The following ELL2 variants were observed in gnomAD, a reference collection of about 807,000 sequenced individuals.
ELL2 encodes RNA polymerase II elongation factor ELL2.
In ELL2, 21 loss-of-function variants were observed where a neutral mutation model predicts 72.8. That is an observed-to-expected ratio of 0.29 (90% CI 0.20 to 0.42). The LOEUF is 0.42. ELL2 is among the 10% of genes least tolerant of loss of function. The probability of loss-of-function intolerance (pLI) is 1.00; values close to 1 mark genes in which losing one functional copy is unlikely to be tolerated. For synonymous variants in ELL2, 266 were observed against 283.2 expected (o/e 0.94, Z 0.61); for missense variants, 568 against 772.8 (o/e 0.73, Z 3.14).
intron 4 of ELL2, among the ~76,000 whole-genome samples, chr5:95,909,117 G>A (rs1306400102): frequency 1.3e-5 from 2 of 152,186 alleles, no homozygotes; most frequent in African/African-American, 4.8e-5. Context: ...AAGCAGGTAT[G>A]GAGAAGACAA....
intron 2 of ELL2, among the ~76,000 whole-genome samples, chr5:95,929,218 C>G (rs1750505007): frequency 6.6e-6 from 1 of 151,904 alleles, no homozygotes. Context: ...TTCTCTCCCA[C>G]CAGACTGTGA....
intron 3 of ELL2, among the ~76,000 whole-genome samples, chr5:95,916,317 G>A (rs1367095652): frequency 6.6e-6 from 1 of 152,158 alleles, no homozygotes; most frequent in East Asian, 1.9e-4. Flanking sequence ...TAAGTTCAGT[G>A]TTGGAGATGG....
chr5:95,927,370 T>TACAC (rs372656152), intron 2 of ELL2, among the ~76,000 whole-genome samples: 1 of 90,878 alleles, frequency 1.1e-5, no homozygotes, highest in Non-Finnish European at 2.0e-5. Context: ...TATATAGACA[T>TACAC]ACACACACAC....
At chr5:95,894,453 T>G (rs1225083378) in intron 9 of ELL2, among the ~76,000 whole-genome samples, 1 of 152,214 alleles carries the variant, frequency 6.6e-6, no homozygotes, top group Non-Finnish European at 1.5e-5. Context: ...TAAAGACTTC[T>G]AAGGAGAAGT....
intron 1 of ELL2, among the ~76,000 whole-genome samples, chr5:95,958,984 GTA>G (rs1751717102): frequency 6.6e-6 from 1 of 152,048 alleles, no homozygotes; most frequent in Admixed American, 6.5e-5. Flanking sequence ...GAAGCTACTG[GTA>G]TATAAATGCA....
chr5:95,946,130 G>T (rs2112352108), intron 1 of ELL2, among the ~76,000 whole-genome samples: 1 of 152,300 alleles, frequency 6.6e-6, no homozygotes, highest in South Asian at 2.1e-4. Context: ...TCAGTTATGT[G>T]TAAAATAGAT....
intron 1 of ELL2, among the ~76,000 whole-genome samples, chr5:95,949,506 GTTTTTGAGACACCT>G (rs1404492798): frequency 6.6e-6 from 1 of 152,058 alleles, no homozygotes; most frequent in African/African-American, 2.4e-5. Context: ...GGTTAGAGAT[GTTTTTGAGACACCT>G]TTAGCTTCCC....
chr5:95,903,460 A>G (rs1481009133), intron 5 of ELL2, among the ~76,000 whole-genome samples: 5 of 151,184 alleles, frequency 3.3e-5, no homozygotes, highest in Admixed American at 2.6e-4. Context: ...CGAATTCCTG[A>G]CCTCGTGATC....
intron 2 of ELL2, among the ~76,000 whole-genome samples, chr5:95,932,461 G>A (rs1750634286): frequency 6.6e-6 from 1 of 152,154 alleles, no homozygotes; most frequent in Non-Finnish European, 1.5e-5. Context: ...TTACATATGG[G>A]TAATTAAGGT....
intron 8 of ELL2, 28 bp downstream of exon 8, chr5:95,898,212 A>AC (rs1434727562): frequency 2.6e-6 from 4 of 1,534,370 alleles, no homozygotes; most frequent in Non-Finnish European, 3.5e-6. Flanking sequence ...GATAGCATGC[A>AC]CTTCTGGTTC....
At chr5:95,904,016 A>G (rs1749251564) in intron 5 of ELL2, among the ~76,000 whole-genome samples, 1 of 152,218 alleles carries the variant, frequency 6.6e-6, no homozygotes, top group African/African-American at 2.4e-5. Flanking sequence ...CTCTTTAAGT[A>G]GTCTCTCTCC....
At chr5:95,905,880 G>A (rs942572034) in intron 5 of ELL2, among the ~76,000 whole-genome samples, 2 of 151,894 alleles carry the variant, frequency 1.3e-5, no homozygotes, top group Non-Finnish European at 2.9e-5. Flanking sequence ...CAGATGGACA[G>A]AAGGAAGGAA....
chr5:95,913,281 A>G, intron 4 of ELL2: 1 of 152,560 alleles, frequency 6.6e-6, no homozygotes, highest in East Asian at 1.9e-4. Context: ...AGCACATTTT[A>G]TATTTTTGTA....
chr5:95,946,246 T>C (rs1430114898), intron 1 of ELL2, among the ~76,000 whole-genome samples: 1 of 152,120 alleles, frequency 6.6e-6, no homozygotes, highest in African/African-American at 2.4e-5. Flanking sequence ...CCTAAGTTAG[T>C]ATGACTGCAT....
intron 3 of ELL2, among the ~76,000 whole-genome samples, chr5:95,917,577 G>C (rs893850303): frequency 6.6e-6 from 1 of 152,268 alleles, no homozygotes; most frequent in East Asian, 1.9e-4. Context: ...GAAAGCCTGA[G>C]AACAAAAGCT....
intron 2 of ELL2, among the ~76,000 whole-genome samples, chr5:95,920,422 G>A (rs980376386): frequency 8.6e-5 from 13 of 151,610 alleles, no homozygotes; most frequent in African/African-American, 2.7e-4. Flanking sequence ...GCAATTCTCT[G>A]CCTCAGCCTC....
At chr5:95,929,039 C>CT (rs2112329156) in intron 2 of ELL2, among the ~76,000 whole-genome samples, 1 of 152,286 alleles carries the variant, frequency 6.6e-6, no homozygotes, top group East Asian at 1.9e-4. Context: ...CTCATGCTAA[C>CT]TTAATGTGAG....
At chr5:95,933,262 G>C (rs1418325637) in intron 2 of ELL2, among the ~76,000 whole-genome samples, 1 of 152,126 alleles carries the variant, frequency 6.6e-6, no homozygotes, top group Non-Finnish European at 1.5e-5. Flanking sequence ...AACTTTAAAA[G>C]TATTCTGACC....
chr5:95,943,447 G>A (rs1201282453), intron 1 of ELL2, among the ~76,000 whole-genome samples: 2 of 151,986 alleles, frequency 1.3e-5, no homozygotes, highest in Non-Finnish European at 2.9e-5. Flanking sequence ...TTTTGGCAGT[G>A]CAGCTAATCA....
Sources: allele counts gnomAD v4.1 joint callset (sites outside exome capture counted in the v4.1 genomes callset), GRCh38; gene constraint gnomAD v4.1.1; transcripts MANE v1.5; gene names NCBI Gene and HGNC (gene_info 2026-07-23, HGNC 2026-07-21).